Variants in TPD52 observed in about 807,000 individuals in gnomAD.
TPD52 encodes prostate and colon associated protein.
Under a neutral mutation model 31.3 loss-of-function variants are expected in TPD52, and 17 were observed. That is an observed-to-expected ratio of 0.54 (90% confidence interval 0.37 to 0.82). The LOEUF is 0.82. Among genes scored for constraint, TPD52 ranks in the 40% least tolerant of loss-of-function variants. The probability of loss-of-function intolerance (pLI) is 0.00; values close to 1 mark genes in which losing one functional copy is unlikely to be tolerated. For synonymous variants in TPD52, 83 were observed against 89.6 expected (o/e 0.93, Z 0.42); for missense variants, 212 against 240.1 (o/e 0.88, Z 0.77).
At chr8:80,136,510 C>CGA (rs1809432852) in intron 1 of TPD52, among the ~76,000 whole-genome samples, 1 of 111,390 alleles carries the variant, frequency 9.0e-6, no homozygotes, top group South Asian at 3.0e-4. Context: ...GGCGACAGAG[C>CGA]GAGACTCTGT....
intron 1 of TPD52, among the ~76,000 whole-genome samples, chr8:80,152,564 T>C (rs902162995): frequency 1.3e-5 from 2 of 152,054 alleles, no homozygotes; most frequent in Admixed American, 6.6e-5. Context: ...GTAGATCACC[T>C]GAGGTCAGGA....
At chr8:80,075,961 A>T (rs1814488788) in intron 1 of TPD52, among the ~76,000 whole-genome samples, 1 of 152,264 alleles carries the variant, frequency 6.6e-6, no homozygotes, top group Non-Finnish European at 1.5e-5. Context: ...GAATGAAAAG[A>T]ACTATGAGCT....
chr8:80,088,818 A>C (rs1255401716), intron 1 of TPD52, among the ~76,000 whole-genome samples: 1 of 152,002 alleles, frequency 6.6e-6, no homozygotes, highest in African/African-American at 2.4e-5. Context: ...ATGCTCACGC[A>C]AAAGGCCTTT....
At chr8:80,102,832 G>C (rs1233196186) in intron 1 of TPD52, among the ~76,000 whole-genome samples, 3 of 152,078 alleles carry the variant, frequency 2.0e-5, no homozygotes, top group Non-Finnish European at 2.9e-5. Flanking sequence ...GAGGGGAGAG[G>C]GGCTTACAGT....
chr8:80,155,076 A>T (rs1369947503), intron 1 of TPD52, among the ~76,000 whole-genome samples: 2 of 150,000 alleles, frequency 1.3e-5, no homozygotes, highest in Non-Finnish European at 3.0e-5. Context: ...TGGCTCACTG[A>T]CACCTCCGCT....
chr8:80,171,383 AGTCCAAGCCCG>A lies in TPD52; in HGVS notation c.19+31_19+41del, dbSNP rs766930922. On this transcript the variant is annotated intron_variant, in intron 1 of 7. Transcript: ENST00000518937. ...GAGCCAAAGCCCGAGTCCAAGCCCGAGTCCAAGCCCGAGCCCAAGCCCGCTGGGTCCGCGCC... is the reference window on the plus strand; with the variant it reads ...GAGCCAAAGCCCGAGTCCAAGCCCGAAGCCCAAGCCCGCTGGGTCCGCGCC... 7 of 1,591,950 alleles carry A rather than the reference AGTCCAAGCCCG, an allele frequency of 4.4e-6. No individual in the cohort carries two copies. The African/African-American group carries it at 9.5e-5, about 21-fold the overall frequency.
intron 1 of TPD52, among the ~76,000 whole-genome samples, chr8:80,086,101 CTTTTTTTTTTTTTTAGT>C (rs1815734943): frequency 1.8e-5 from 2 of 112,694 alleles, no homozygotes; most frequent in African/African-American, 3.3e-5. Context: ...GGTTTTTTTG[CTTTTTTTTTTTTTTAGT>C]TTTTTTTTTT....
intron 5 of TPD52, among the ~76,000 whole-genome samples, chr8:80,045,365 A>T (rs1441241364): frequency 6.6e-6 from 1 of 152,118 alleles, no homozygotes; most frequent in Non-Finnish European, 1.5e-5. Context: ...CTTCTACCAT[A>T]ACTGATATGA....
chr8:80,072,434 TGC>T lies in TPD52; in HGVS notation c.20-7843_20-7842del, dbSNP rs60610121. ...GTGTATATACATGTACACATAGATA[TGC>T]GTGTATATACATGTACACATAGATA... On this transcript the variant is annotated intron_variant, in intron 1 of 7. Transcript: ENST00000518937. Among the ~76,000 whole-genome samples the T allele has an allele frequency of 1.8e-3, 189 of 106,124 alleles. 11 individuals are homozygous for T. The highest frequency in any genetic ancestry group is 8.6e-3 in the African/African-American group (182 of 21,120). The allele number at this position is 106,124 out of a possible 152,430, so 69.6% of individuals were successfully genotyped here.
chr8:80,122,874 T>C (rs897211386), intron 1 of TPD52: 8 of 152,276 alleles, frequency 5.3e-5, no homozygotes, highest in Non-Finnish European at 1.0e-4. Flanking sequence ...TGCATGGTAA[T>C]GAACAAGGAC....
At chr8:80,091,942 C>T (rs1336937182) in intron 1 of TPD52, among the ~76,000 whole-genome samples, 1 of 152,220 alleles carries the variant, frequency 6.6e-6, no homozygotes, top group Non-Finnish European at 1.5e-5. Flanking sequence ...ACTGATGTTA[C>T]AGGACTCCAG....
intron 1 of TPD52, among the ~76,000 whole-genome samples, chr8:80,126,818 C>A (rs1049157527): frequency 6.6e-6 from 1 of 152,120 alleles, no homozygotes; most frequent in African/African-American, 2.4e-5. Context: ...TTATTTACAA[C>A]AGTTTCATTT....
chr8:80,107,077 T>C (rs1389929327), intron 1 of TPD52, among the ~76,000 whole-genome samples: 1 of 152,088 alleles, frequency 6.6e-6, no homozygotes, highest in East Asian at 1.9e-4. Flanking sequence ...TGTCTAGATC[T>C]CCTGACCTCG....
At chr8:80,038,590 C>T (rs1009816770) in intron 7 of TPD52, among the ~76,000 whole-genome samples, 1 of 152,162 alleles carries the variant, frequency 6.6e-6, no homozygotes, top group African/African-American at 2.4e-5. Context: ...TGTATTGCAT[C>T]GAATTGCTCA....
At chr8:80,106,826 C>CA (rs11353412) in intron 1 of TPD52, among the ~76,000 whole-genome samples, 17,522 of 147,816 alleles carry the variant, frequency 0.12, 1,369 homozygotes, top group South Asian at 0.21. Context: ...CCACAAAAAG[C>CA]AAAAAAAAAC....
chr8:80,154,385 C>T (rs564771193), intron 1 of TPD52, among the ~76,000 whole-genome samples: 89 of 152,170 alleles, frequency 5.8e-4, no homozygotes, highest in Non-Finnish European at 1.1e-3. Flanking sequence ...GGCCAATGTG[C>T]GCAAAGCCCA....
chr8:80,119,901 T>G, intron 1 of TPD52: 1 of 382,812 alleles, frequency 2.6e-6, no homozygotes, highest in Admixed American at 3.6e-5. Flanking sequence ...CAGAAAACAT[T>G]AGAAAATATA....
chr8:80,121,196 C>T (rs571417653), intron 1 of TPD52, among the ~76,000 whole-genome samples: 158 of 152,024 alleles, frequency 1.0e-3, no homozygotes, highest in Non-Finnish European at 1.8e-3. Flanking sequence ...ATTATCAAGA[C>T]GTCAAAAGTC....
At position 80,104,661 on chromosome 8, in the gene TPD52, A is replaced by ATTTT. The variant is rs144170850; in HGVS notation, c.20-40072_20-40069dup. Among the ~76,000 whole-genome samples, 436 of 142,668 alleles carry ATTTT rather than the reference A, an allele frequency of 3.1e-3. 1 individual carries two copies. The highest frequency in any genetic ancestry group is 4.7e-3 in the Non-Finnish European group (308 of 65,638). The allele number at this position is 142,668 out of a possible 152,430, so 93.6% of individuals were successfully genotyped here. On this transcript the variant is annotated intron_variant, in intron 1 of 7. Coordinates refer to ENST00000518937, the MANE Select transcript of TPD52 (RefSeq NM_001025253.3). ...CCTCTCGTCTACTCTGAGTCTGCTG[A>ATTTT]TTTTTTTTTTTTTTGCTTGTTTATC...
Sources: gnomAD v4.1 joint callset for allele counts (sites outside exome capture counted in the v4.1 genomes callset) on GRCh38, gnomAD v4.1.1 for gene constraint, MANE v1.5 for transcripts, NCBI Gene and HGNC (gene_info 2026-07-23, HGNC 2026-07-21) for gene names.